CACNG2: variants seen among roughly 807,000 people sequenced by gnomAD.
CACNG2 encodes the protein calcium voltage-gated channel auxiliary subunit gamma 2.
CACNG2 carries 3 observed loss-of-function variants against 25.9 expected under a neutral mutation model. The observed-to-expected ratio is 0.12, with a 90% CI of 0.05 to 0.30. The LOEUF is 0.30. CACNG2 is among the 10% of genes least tolerant of loss of function. The pLI is 1.00. For synonymous variants in CACNG2, 167 were observed against 173.3 expected, an observed-to-expected ratio of 0.96 and a Z score of 0.29; for missense variants, 341 against 432.5, an observed-to-expected ratio of 0.79 and a Z score of 1.88.
chr22:36,621,230 G>A (rs1392548267), intron 1 of CACNG2, among the ~76,000 whole-genome samples: 4 of 152,132 alleles, frequency 2.6e-5, no homozygotes, highest in Non-Finnish European at 5.9e-5. Context: ...AAGATTGGCC[G>A]GGTGCGGGGG....
chr22:36,620,494 CT>C (rs1374933338), intron 1 of CACNG2, among the ~76,000 whole-genome samples: 1 of 152,186 alleles, frequency 6.6e-6, no homozygotes, highest in Non-Finnish European at 1.5e-5. Context: ...AAAATCTGTT[CT>C]GCTTCTTTTG....
At chr22:36,596,036 C>T (rs1382800117) in intron 1 of CACNG2, among the ~76,000 whole-genome samples, 2 of 152,210 alleles carry the variant, frequency 1.3e-5, no homozygotes, top group Non-Finnish European at 2.9e-5. Context: ...ACAATAAGCT[C>T]CTCATAAACC....
At chr22:36,662,691 T>G (rs8141076) in intron 1 of CACNG2, among the ~76,000 whole-genome samples, 1 of 152,060 alleles carries the variant, frequency 6.6e-6, no homozygotes, top group African/African-American at 2.4e-5. Context: ...CCTGAGTGTG[T>G]TCACCTACAT....
At chr22:36,595,109 G>A (rs1935658881) in intron 1 of CACNG2, among the ~76,000 whole-genome samples, 1 of 151,790 alleles carries the variant, frequency 6.6e-6, no homozygotes, top group African/African-American at 2.4e-5. Context: ...GTGTGCATGG[G>A]TGTGTGTGTG....
chr22:36,610,472 T>C (rs1182292076), intron 1 of CACNG2, among the ~76,000 whole-genome samples: 1 of 152,228 alleles, frequency 6.6e-6, no homozygotes, highest in Non-Finnish European at 1.5e-5. Flanking sequence ...ACTACAAAGC[T>C]GAGGGCAAGA....
chr22:36,688,017 G>T (rs926862942), intron 1 of CACNG2, among the ~76,000 whole-genome samples: 1 of 152,118 alleles, frequency 6.6e-6, no homozygotes, highest in Non-Finnish European at 1.5e-5. Context: ...CACTAAGTTC[G>T]TGTAATTTAT....
At chr22:36,635,145 G>T (rs1207119690) in intron 1 of CACNG2, among the ~76,000 whole-genome samples, 5 of 152,140 alleles carry the variant, frequency 3.3e-5, no homozygotes, top group Non-Finnish European at 5.9e-5. Flanking sequence ...TTAGCCAGGT[G>T]TGGTGGCAAG....
chr22:36,577,603 T>A (rs1442731934), intron 2 of CACNG2, among the ~76,000 whole-genome samples: 1 of 142,432 alleles, frequency 7.0e-6, no homozygotes, highest in African/African-American at 2.7e-5. Flanking sequence ...TGAGCCGAGA[T>A]CATGCCACCG....
At position 36,562,595 on chromosome 22, in the gene CACNG2, C is replaced by T. The variant is rs1015961586; in HGVS notation, c.*1756G>A. The T allele has an allele frequency of 6.6e-6, 1 of 152,094 alleles. No homozygotes were observed. The highest frequency in any genetic ancestry group is 6.6e-5 in the Admixed American group (1 of 15,244). 9.4% of individuals were successfully genotyped at this position (152,094 alleles called of 1,614,324 possible). ...AGTGTGGAGTTGTTGTCGTCCATGG[C>T]TTTGGAGGGCATGAGTCAATTTCCT... On this transcript the variant is annotated 3_prime_UTR_variant, in exon 4 of 4. Coordinates refer to ENST00000300105, the MANE Select transcript of CACNG2 (RefSeq NM_006078.5).
intron 1 of CACNG2, among the ~76,000 whole-genome samples, chr22:36,608,284 C>T (rs1232131053): frequency 6.6e-6 from 1 of 152,160 alleles, no homozygotes; most frequent in Non-Finnish European, 1.5e-5. Flanking sequence ...GCTGCCTCTC[C>T]CTCCTTTCAT....
chr22:36,652,108 T>G (rs1315228109), intron 1 of CACNG2, among the ~76,000 whole-genome samples: 1 of 152,182 alleles, frequency 6.6e-6, no homozygotes, highest in Non-Finnish European at 1.5e-5. Flanking sequence ...TCAAGTGATC[T>G]GCCTGCCTCG....
intron 1 of CACNG2, among the ~76,000 whole-genome samples, chr22:36,589,085 A>G (rs1338106686): frequency 6.6e-6 from 1 of 150,658 alleles, no homozygotes; most frequent in Admixed American, 6.7e-5. Flanking sequence ...CCAACTCCCA[A>G]GTTCAAGTGA....
intron 1 of CACNG2, among the ~76,000 whole-genome samples, chr22:36,685,881 C>T (rs1348451533): frequency 6.6e-6 from 1 of 152,220 alleles, no homozygotes; most frequent in Non-Finnish European, 1.5e-5. Flanking sequence ...CTACTATGTG[C>T]CAGCCCCTGC....
At chr22:36,669,653 A>C (rs1395927100) in intron 1 of CACNG2, among the ~76,000 whole-genome samples, 1 of 151,996 alleles carries the variant, frequency 6.6e-6, no homozygotes, top group East Asian at 1.9e-4. Context: ...TCATGTCAGC[A>C]CTCTCTTTCC....
At chr22:36,621,488 T>A (rs1936104227) in intron 1 of CACNG2, among the ~76,000 whole-genome samples, 1 of 151,460 alleles carries the variant, frequency 6.6e-6, no homozygotes, top group Non-Finnish European at 1.5e-5. Flanking sequence ...GAAAATCGCT[T>A]GAACCCAGGA....
intron 2 of CACNG2, among the ~76,000 whole-genome samples, chr22:36,569,689 G>A (rs1289372106): frequency 2.0e-5 from 3 of 152,104 alleles, no homozygotes; most frequent in Non-Finnish European, 1.5e-5. Context: ...ATAGGCGCCC[G>A]CCACCATGTC....
chr22:36,651,224 C>CTTTTT (rs11411019), intron 1 of CACNG2, among the ~76,000 whole-genome samples: 130 of 83,124 alleles, frequency 1.6e-3, no homozygotes, highest in East Asian at 2.5e-3. Flanking sequence ...CTTCTTCCTC[C>CTTTTT]TTTTTTTTTT....
chr22:36,664,289 T>G (rs2145986849), intron 1 of CACNG2, among the ~76,000 whole-genome samples: 1 of 152,264 alleles, frequency 6.6e-6, no homozygotes, highest in Admixed American at 6.5e-5. Flanking sequence ...TTGACATTCT[T>G]CCATTCATCT....
At chr22:36,666,772 T>C (rs12628386) in intron 1 of CACNG2, among the ~76,000 whole-genome samples, 36,349 of 151,598 alleles carry the variant, frequency 0.24, 4,437 homozygotes, top group Middle Eastern at 0.32. Flanking sequence ...GAGGGAACCA[T>C]ACTTCCTAAC....
Sources: allele counts gnomAD v4.1 joint callset (sites outside exome capture counted in the v4.1 genomes callset), GRCh38; gene constraint gnomAD v4.1.1; transcripts MANE v1.5; gene names NCBI Gene and HGNC (gene_info 2026-07-23, HGNC 2026-07-21).